Variants in TTC7B observed in about 807,000 individuals in gnomAD.
TTC7B encodes tetratricopeptide repeat domain 7B.
A neutral mutation model predicts 106.8 loss-of-function variants in TTC7B; 28 were observed. The observed-to-expected ratio is 0.26, with a 90% CI of 0.19 to 0.36. The LOEUF is 0.36. Ranked by LOEUF, TTC7B falls within the 10% of genes least tolerant of loss-of-function variation. The pLI, the probability that TTC7B is intolerant of heterozygous loss-of-function variation, is 1.00. For synonymous variants in TTC7B, 405 were observed against 430.6 expected, an observed-to-expected ratio of 0.94 and a Z score of 0.74; for missense variants, 862 against 1,076.4, an observed-to-expected ratio of 0.80 and a Z score of 2.79.
intron 19 of TTC7B, among the ~76,000 whole-genome samples, chr14:90,559,833 C>G (rs758374665): frequency 6.6e-6 from 1 of 152,384 alleles, no homozygotes; most frequent in South Asian, 2.1e-4. Flanking sequence ...TTAAATCACA[C>G]GGCCACATGG....
intron 15 of TTC7B, among the ~76,000 whole-genome samples, chr14:90,643,575 T>C (rs1329401968): frequency 6.6e-6 from 1 of 151,992 alleles, no homozygotes; most frequent in Admixed American, 6.6e-5. Flanking sequence ...TTTTGTTTGT[T>C]TGTTTGTTTG....
At position 90,534,196 on chromosome 14, in the gene TTC7B, G is replaced by A. The variant is rs1889356045; in HGVS notation, c.*7172C>T. On this transcript the variant is annotated 3_prime_UTR_variant, in exon 20 of 20. Transcript: ENST00000328459. ...GAGGAGCACATTCCTGTCTGAAATGGTGCAGGATGTCCTTTTTCTGTTCCT... is the reference window on the plus strand; with the variant it reads ...GAGGAGCACATTCCTGTCTGAAATGATGCAGGATGTCCTTTTTCTGTTCCT... 6.6e-6 allele frequency: 1 copy of A among 152,332 alleles called. No individual in the cohort carries two copies. Among genetic ancestry groups the A allele is most frequent in the Non-Finnish European group, 1.5e-5 (1 of 68,094 alleles). 9.4% of individuals were successfully genotyped at this position (152,332 alleles called of 1,614,324 possible).
At chr14:90,549,127 CAAAAAAAA>C (rs34890535) in intron 19 of TTC7B, among the ~76,000 whole-genome samples, 1 of 103,622 alleles carries the variant, frequency 9.7e-6, no homozygotes, top group Non-Finnish European at 2.1e-5. Flanking sequence ...GACTCCGTCT[CAAAAAAAA>C]AAAAAAAAAG....
At chr14:90,694,612 GTA>G (rs1359202279) in intron 6 of TTC7B, among the ~76,000 whole-genome samples, 1 of 145,718 alleles carries the variant, frequency 6.9e-6, no homozygotes, top group African/African-American at 2.5e-5. Context: ...ATAAATATAT[GTA>G]TAATATATGT....
intron 7 of TTC7B, among the ~76,000 whole-genome samples, chr14:90,688,424 A>T (rs1046517645): frequency 1.3e-5 from 2 of 152,088 alleles, no homozygotes; most frequent in African/African-American, 4.8e-5. Flanking sequence ...GGAGATCGAG[A>T]CCATACTGGC....
At chr14:90,683,746 T>C (rs566376956) in intron 7 of TTC7B, among the ~76,000 whole-genome samples, 6 of 152,162 alleles carry the variant, frequency 3.9e-5, no homozygotes, top group Admixed American at 3.9e-4. Flanking sequence ...CACAAGTGTT[T>C]CCATGTTCCT....
intron 17 of TTC7B, among the ~76,000 whole-genome samples, 153 bp downstream of exon 17, chr14:90,610,589 C>A (rs189307287): frequency 2.1e-4 from 32 of 152,312 alleles, no homozygotes; most frequent in African/African-American, 7.2e-4. Flanking sequence ...TTGAGAAAGA[C>A]ACTGGAGCAA....
intron 17 of TTC7B, chr14:90,605,849 CA>C: frequency 1.0e-6 from 1 of 954,078 alleles, no homozygotes; most frequent in South Asian, 1.9e-5. Context: ...AATATACTCA[CA>C]TAAGCTGCAA....
At chr14:90,615,269 C>G (rs958314384) in intron 16 of TTC7B, among the ~76,000 whole-genome samples, 10 of 152,322 alleles carry the variant, frequency 6.6e-5, no homozygotes, top group Admixed American at 1.3e-4. Flanking sequence ...GCCACTCACT[C>G]CCTGCTACTG....
chr14:90,786,171 T>C lies in TTC7B; in HGVS notation c.276+3A>G, dbSNP rs755926206. On this transcript the variant is annotated splice_donor_region_variant and intron_variant, in intron 2 of 19. Coordinates refer to ENST00000328459, the MANE Select transcript of TTC7B (RefSeq NM_001010854.2). ...GTCGCCTCAGCCCAGAGGCCCATGG[T>C]ACCTTAAGGTTCCCTCGGTCCAGGG... 16 of 1,534,252 alleles carry C rather than the reference T, an allele frequency of 1.0e-5. No individual in the cohort carries two copies. The highest frequency in any genetic ancestry group is 1.3e-5 in the Non-Finnish European group (15 of 1,144,202).
intron 16 of TTC7B, among the ~76,000 whole-genome samples, chr14:90,613,010 T>C (rs925773415): frequency 6.6e-6 from 1 of 152,228 alleles, no homozygotes; most frequent in Admixed American, 6.5e-5. Context: ...CCTTAGTGTG[T>C]CTGCCTTACT....
At chr14:90,764,260 A>G (rs953368823) in intron 3 of TTC7B, among the ~76,000 whole-genome samples, 4 of 152,174 alleles carry the variant, frequency 2.6e-5, no homozygotes, top group East Asian at 3.8e-4. Flanking sequence ...ATCCACATAC[A>G]AAAAGAATGA....
chr14:90,572,268 C>T (rs1366932825), intron 19 of TTC7B, among the ~76,000 whole-genome samples: 1 of 152,176 alleles, frequency 6.6e-6, no homozygotes, highest in African/African-American at 2.4e-5. Flanking sequence ...ACTTCAGGCC[C>T]CTCTTTGAAC....
At chr14:90,792,314 C>T (rs796965427) in intron 1 of TTC7B, among the ~76,000 whole-genome samples, 6 of 152,218 alleles carry the variant, frequency 3.9e-5, no homozygotes, top group African/African-American at 4.8e-5. Context: ...CGGTGGCTCA[C>T]GCCTGTAATC....
intron 13 of TTC7B, among the ~76,000 whole-genome samples, chr14:90,649,730 A>G (rs138861251): frequency 6.8e-6 from 1 of 146,334 alleles, no homozygotes; most frequent in Non-Finnish European, 1.5e-5. Flanking sequence ...CCATCCACCC[A>G]GCCAACCACC....
Position 90,759,647 on chromosome 14 carries a change from C to T in TTC7B, c.446-14725G>A, listed in dbSNP as rs1890433371. On this transcript the variant is annotated intron_variant, in intron 3 of 19. Coordinates refer to ENST00000328459, the MANE Select transcript of TTC7B (RefSeq NM_001010854.2). This position sits in a 1 kb window ranked among gnomAD's most constrained non-coding sequence, Gnocchi z 4.1. ...GACAAATTGAGATGAACCAGCTCGT[C>T]GGTGAGTGTAGGCAGAAGAGGCATT... is the stretch of plus-strand genomic sequence containing the variant. Among the ~76,000 whole-genome samples the T allele has an allele frequency of 6.6e-6, 1 of 152,168 alleles. No homozygotes were observed. The highest frequency in any genetic ancestry group is 2.4e-5 in the African/African-American group (1 of 41,426).
chr14:90,798,821 T>C (rs1191600032), intron 1 of TTC7B, among the ~76,000 whole-genome samples: 2 of 151,822 alleles, frequency 1.3e-5, no homozygotes, highest in Non-Finnish European at 2.9e-5. Context: ...TGGCTGTTCC[T>C]ATGGAAGGGA....
In TTC7B at chr14:90,604,179, G is replaced by A. The variant is rs1435255996; in HGVS notation, c.1966+6563C>T. Among the ~76,000 whole-genome samples the A allele has an allele frequency of 2.0e-5, 3 of 152,124 alleles. No individual in the cohort carries two copies. The East Asian group carries it at 5.8e-4, about 29-fold the overall frequency. On this transcript the variant is annotated intron_variant, in intron 17 of 19. Transcript: ENST00000328459. ...GCAGAAAAGAGTGGACAGGGAAGTG[G>A]GAACATACCATGTTATTCTAGAATG...
chr14:90,721,498 T>C (rs542384739), intron 5 of TTC7B, among the ~76,000 whole-genome samples: 10 of 151,978 alleles, frequency 6.6e-5, no homozygotes, highest in African/African-American at 2.4e-4. Flanking sequence ...TTTTTATTCA[T>C]ACATAATTAC....
Sources: gnomAD v4.1 joint callset for allele counts (sites outside exome capture counted in the v4.1 genomes callset) on GRCh38, gnomAD v4.1.1 for gene constraint, Gnocchi (gnomAD v3.1) non-coding constraint, MANE v1.5 for transcripts, NCBI Gene and HGNC (gene_info 2026-07-23, HGNC 2026-07-21) for gene names.